Variants in LHCGR observed in about 807,000 individuals in gnomAD.
LHCGR encodes the protein lutropin-choriogonadotropic hormone receptor.
Under a neutral mutation model 60.7 loss-of-function variants are expected in LHCGR, and 55 were observed. The observed-to-expected ratio is 0.91, with a 90% confidence interval of 0.73 to 1.13. The LOEUF (loss-of-function observed/expected upper bound fraction) is 1.13. LHCGR is among the 50% of genes most tolerant of loss of function. LHCGR has a pLI of 0.00. For synonymous variants in LHCGR, 337 were observed against 316.5 expected (o/e 1.06, Z -0.69); for missense variants, 862 against 836.0 (o/e 1.03, Z -0.38).
intron 1 of LHCGR, among the ~76,000 whole-genome samples, chr2:48,743,865 A>T (rs1361183501): frequency 6.6e-6 from 1 of 151,994 alleles, no homozygotes; most frequent in African/African-American, 2.4e-5. Flanking sequence ...AGGAGAAGGA[A>T]ATAAAGGGTA....
chr2:48,689,324 T>G (rs528832679), intron 10 of LHCGR, among the ~76,000 whole-genome samples: 1 of 152,278 alleles, frequency 6.6e-6, no homozygotes, highest in African/African-American at 2.4e-5. Flanking sequence ...TAATCCTTTC[T>G]TGGCATTTTC....
At chr2:48,713,404 T>C (rs1668088827) in intron 7 of LHCGR, among the ~76,000 whole-genome samples, 2 of 152,056 alleles carry the variant, frequency 1.3e-5, no homozygotes, top group African/African-American at 2.4e-5. Context: ...AGAGGAGCCA[T>C]AGAAGGAAAG....
chr2:48,725,901 C>G lies in LHCGR; in HGVS notation c.309-151G>C, dbSNP rs532553346. On this transcript the variant is annotated intron_variant, in intron 3 of 10. Transcript: ENST00000294954. ...ATGCTTGGGAGGACCCCTAGCGACTCTGGGGATGGAAATGGCTTGGTGAGA... is the reference window on the plus strand; with the variant it reads ...ATGCTTGGGAGGACCCCTAGCGACTGTGGGGATGGAAATGGCTTGGTGAGA... 2.1e-4 allele frequency: 145 copies of G among 701,480 alleles called. 1 individual carries two copies. Among genetic ancestry groups the G allele is most frequent in the Non-Finnish European group, 3.5e-4 (135 of 386,220 alleles). 43.5% of individuals were successfully genotyped at this position (701,480 alleles called of 1,614,324 possible).
At chr2:48,709,152 G>A in intron 7 of LHCGR, 130 bp from the exon 8 acceptor site, 1 of 753,834 alleles carries the variant, frequency 1.3e-6, no homozygotes, top group Non-Finnish European at 2.4e-6. Flanking sequence ...AAGGGTAAGT[G>A]GAGGGAAAGT....
In LHCGR at chr2:48,731,456, A is replaced by G. The variant is rs4597581; in HGVS notation, c.162-158T>C. Among the ~76,000 whole-genome samples the G allele has an allele frequency of 0.16, 24,519 of 152,154 alleles. 2,500 individuals are homozygous for G. The highest frequency in any genetic ancestry group is 0.32 in the South Asian group (1,540 of 4,812). On this transcript the variant is annotated intron_variant, in intron 1 of 10. Coordinates refer to ENST00000294954, the MANE Select transcript of LHCGR (RefSeq NM_000233.4). Reference sequence around the variant, plus strand: ...TGAGGATTCTAACTTAAATCAATGAAGAGATGTGCCATGACTTATTCTTGG... The same window carrying G: ...TGAGGATTCTAACTTAAATCAATGAGGAGATGTGCCATGACTTATTCTTGG...
At chr2:48,725,001 C>T (rs1668657222) in intron 4 of LHCGR, among the ~76,000 whole-genome samples, 1 of 152,020 alleles carries the variant, frequency 6.6e-6, no homozygotes, top group Non-Finnish European at 1.5e-5. Flanking sequence ...TAGGGAGACG[C>T]AAATTTTTCT....
At chr2:48,708,114 C>T (rs1046002440) in intron 8 of LHCGR, among the ~76,000 whole-genome samples, 13 of 152,214 alleles carry the variant, frequency 8.5e-5, no homozygotes, top group Admixed American at 3.9e-4. Context: ...GCATCGATCT[C>T]GCTGAGAGCT....
At chr2:48,697,988 G>A (rs763017175) in intron 9 of LHCGR, among the ~76,000 whole-genome samples, 5 of 152,142 alleles carry the variant, frequency 3.3e-5, no homozygotes, top group African/African-American at 1.2e-4. Flanking sequence ...AAAAAAGTCT[G>A]GAAAACAGTG....
chr2:48,708,967 C>A lies in LHCGR; in HGVS notation c.661G>T (p.Ala221Ser), dbSNP rs562910963. 5 of 1,614,092 alleles carry A rather than the reference C, an allele frequency of 3.1e-6. No individual in the cohort carries two copies. Among genetic ancestry groups the A allele is most frequent in the African/African-American group, 1.3e-5 (1 of 75,058 alleles). ...EKMHNGAFRGATGPKTLDISS... is the reference protein window; with the variant it reads ...EKMHNGAFRGSTGPKTLDISS... ...ACTCACAAGGTTTTCGGCCCTGTGG[C>A]CCCACGGAAGGCTCCATTGTGCATC... is the stretch of plus-strand genomic sequence containing the variant. Residue 221 changes from alanine (A) to serine (S), a missense_variant, in exon 8 of 11, where the codon GCC becomes TCC. By Grantham distance (99) the Ala-to-Ser change is moderately conservative. Coordinates refer to ENST00000294954, the MANE Select transcript of LHCGR (RefSeq NM_000233.4).
intron 8 of LHCGR, among the ~76,000 whole-genome samples, chr2:48,699,382 T>C (rs902383814): frequency 1.3e-5 from 2 of 152,292 alleles, no homozygotes; most frequent in Admixed American, 1.3e-4. Context: ...TCCAACTCCT[T>C]TTCCCTACCC....
At chr2:48,717,833 CTTTTTTTT>C (rs10711529) in intron 6 of LHCGR, among the ~76,000 whole-genome samples, 2 of 68,976 alleles carry the variant, frequency 2.9e-5, no homozygotes, top group Non-Finnish European at 5.3e-5. Flanking sequence ...TTTTCCATGT[CTTTTTTTT>C]TTTTTTTTTT....
In LHCGR at chr2:48,687,684, A is replaced by T; in HGVS notation, c.*13T>A. 1 of 1,601,046 alleles carries T rather than the reference A, an allele frequency of 6.2e-7. No individual in the cohort carries two copies. Among genetic ancestry groups the T allele is most frequent in the Non-Finnish European group, 8.6e-7 (1 of 1,168,122 alleles). On this transcript the variant is annotated 3_prime_UTR_variant, in exon 11 of 11. Coordinates refer to ENST00000294954, the MANE Select transcript of LHCGR (RefSeq NM_000233.4). ...TTAAGAACAATTCAATAATGCAGTTACTGATGTAACAGTTAACACTCTGTG... is the reference window on the plus strand; with the variant it reads ...TTAAGAACAATTCAATAATGCAGTTTCTGATGTAACAGTTAACACTCTGTG...
At chr2:48,725,881 T>G in intron 3 of LHCGR, 131 bp from the exon 4 acceptor site, 31 of 717,034 alleles carry the variant, frequency 4.3e-5, no homozygotes, top group Non-Finnish European at 5.0e-5. Flanking sequence ...TTCATATGCT[T>G]GGGAGGACCC....
At chr2:48,716,383 G>A (rs1470302833) in intron 6 of LHCGR, among the ~76,000 whole-genome samples, 1 of 152,126 alleles carries the variant, frequency 6.6e-6, no homozygotes, top group Non-Finnish European at 1.5e-5. Context: ...TATATTTACT[G>A]TAATACTCCC....
At chr2:48,709,533 C>G (rs1475339564) in intron 7 of LHCGR, among the ~76,000 whole-genome samples, 1 of 152,162 alleles carries the variant, frequency 6.6e-6, no homozygotes, top group Non-Finnish European at 1.5e-5. Context: ...CTTTTTCTTT[C>G]AGATATGCAT....
At chr2:48,731,608 C>T (rs115116987) in intron 1 of LHCGR, among the ~76,000 whole-genome samples, 3,491 of 152,262 alleles carry the variant, frequency 0.023, 67 homozygotes, top group Non-Finnish European at 0.035. Flanking sequence ...TTAAGCCCTC[C>T]AGCTCAGTTT....
chr2:48,715,461 T>C (rs1209674410), intron 6 of LHCGR, among the ~76,000 whole-genome samples: 1 of 152,222 alleles, frequency 6.6e-6, no homozygotes, highest in Non-Finnish European at 1.5e-5. Flanking sequence ...TTAAACTCCT[T>C]ATATCTGCCA....
intron 9 of LHCGR, among the ~76,000 whole-genome samples, chr2:48,697,921 A>G (rs1419483716): frequency 6.6e-6 from 1 of 152,262 alleles, no homozygotes; most frequent in Non-Finnish European, 1.5e-5. Context: ...TTTCTGTTAC[A>G]TATGTGACAT....
intron 2 of LHCGR, among the ~76,000 whole-genome samples, chr2:48,730,512 A>T (rs1394212809): frequency 1.3e-5 from 2 of 152,204 alleles, no homozygotes; most frequent in African/African-American, 4.8e-5. Flanking sequence ...TTCTTTAGAG[A>T]TGCAAATCTG....
Sources: gnomAD v4.1 joint callset for allele counts (sites outside exome capture counted in the v4.1 genomes callset) on GRCh38, gnomAD v4.1.1 for gene constraint, MANE v1.5 for transcripts, NCBI Gene and HGNC (gene_info 2026-07-23, HGNC 2026-07-21) for gene names.